CEP164: variants seen among roughly 807,000 people sequenced by gnomAD.
CEP164 encodes the protein centrosomal protein of 164 kDa.
CEP164 carries 162 observed loss-of-function variants against 182.7 expected under a neutral mutation model. The ratio of observed to expected loss-of-function variants is 0.89; its 90% CI spans 0.78 to 1.01. The LOEUF is 1.01. Among genes scored for constraint, CEP164 ranks in the 50% least tolerant of loss-of-function variants. The pLI, the probability that CEP164 is intolerant of heterozygous loss-of-function variation, is 0.00. For synonymous variants in CEP164, 661 were observed against 690.0 expected, an observed-to-expected ratio of 0.96 and a Z score of 0.66; for missense variants, 1,735 against 1,790.4, an observed-to-expected ratio of 0.97 and a Z score of 0.56.
At chr11:117,337,510 TA>T (rs55864956) in intron 2 of CEP164, among the ~76,000 whole-genome samples, 285 of 128,674 alleles carry the variant, frequency 2.2e-3, no homozygotes, top group Middle Eastern at 4.0e-3. Flanking sequence ...ACCATCTCTG[TA>T]AAAAAAAAAA....
At chr11:117,327,568 C>T (rs747995669), upstream of CEP164, among the ~76,000 whole-genome samples, 44 of 150,962 alleles carry the variant, frequency 2.9e-4, no homozygotes, top group Non-Finnish European at 5.9e-4. Flanking sequence ...TCCCAAATTG[C>T]TGGAATTACA....
Position 117,411,022 on chromosome 11 carries a change from C to A in CEP164, c.4163+128C>A. The A allele has an allele frequency of 1.2e-6, 1 of 825,112 alleles. No individual in the cohort carries two copies. The allele number at this position is 825,112 out of a possible 1,614,324, so 51.1% of individuals were successfully genotyped here. A position where few individuals can be genotyped will look rare whatever the true frequency, so the allele number is the denominator to read the frequency against. On this transcript the variant is annotated intron_variant, in intron 31 of 32. Coordinates refer to ENST00000278935, the MANE Select transcript of CEP164 (RefSeq NM_014956.5). This position sits in a 1 kb window ranked among gnomAD's most constrained non-coding sequence, Gnocchi z 4.4. Reference sequence around the variant, plus strand: ...TTACCCCAAGAAATCAGGCAGGCCTCTAGTCCACAGAGCTGTCCCCGCTTG... The same window carrying A: ...TTACCCCAAGAAATCAGGCAGGCCTATAGTCCACAGAGCTGTCCCCGCTTG...
intron 1 of CEP164, among the ~76,000 whole-genome samples, chr11:117,331,616 C>A (rs2134699612): frequency 6.6e-6 from 1 of 152,252 alleles, no homozygotes; most frequent in South Asian, 2.1e-4. Flanking sequence ...GAATCCAGGT[C>A]TTCTGTCTCC....
intron 4 of CEP164, among the ~76,000 whole-genome samples, chr11:117,346,316 T>C (rs1036217356): frequency 6.6e-6 from 1 of 152,002 alleles, no homozygotes. Context: ...TCGCCCAGGC[T>C]GGAGTGCAAT....
intron 1 of CEP164, among the ~76,000 whole-genome samples, chr11:117,322,295 T>G (rs919453274): frequency 1.1e-4 from 17 of 152,000 alleles, no homozygotes; most frequent in African/African-American, 4.1e-4. Flanking sequence ...TTTTGTATTT[T>G]TAGTAGAGAT....
At chr11:117,346,861 CAAAAACAA>C (rs2038972422) in intron 4 of CEP164, among the ~76,000 whole-genome samples, 1 of 152,004 alleles carries the variant, frequency 6.6e-6, no homozygotes, top group Admixed American at 6.6e-5. Flanking sequence ...GAACCTGTCT[CAAAAACAA>C]ATAAAATGAG....
At chr11:117,346,512 C>A (rs1367433022) in intron 4 of CEP164, among the ~76,000 whole-genome samples, 2 of 151,890 alleles carry the variant, frequency 1.3e-5, no homozygotes, top group African/African-American at 2.4e-5. Context: ...CCGCCTTGTC[C>A]TCCCAAAGTG....
In CEP164 at chr11:117,393,085, C is replaced by T. The variant is rs1167811540; in HGVS notation, c.2575C>T (p.Gln859Ter). The T allele has an allele frequency of 1.2e-6, 2 of 1,613,668 alleles. No homozygotes were observed. Among genetic ancestry groups the T allele is most frequent in the Admixed American group, 1.7e-5 (1 of 60,016 alleles). Residue 859 changes from glutamine (Q) to a stop codon, truncating the protein, a stop_gained, in exon 20 of 33, where the codon CAG (glutamine) becomes TAG (stop). Coordinates refer to ENST00000278935, the MANE Select transcript of CEP164 (RefSeq NM_014956.5). LOFTEE classifies it high-confidence loss of function. ...GTTGGACAAGATGAAGGAGGAGCACCAGCAAGTGATGGCTAAGGCCAGAGA... is the reference window on the plus strand; with the variant it reads ...GTTGGACAAGATGAAGGAGGAGCACTAGCAAGTGATGGCTAAGGCCAGAGA... ...RRLDKMKEEH[Q>*]QVMAKAREQY...
rs1026004705 is a variant in CEP164, at chr11:117,340,512, A to G, written c.82+1844A>G. Among the ~76,000 whole-genome samples, 53 of 152,136 alleles carry G rather than the reference A, an allele frequency of 3.5e-4. 1 individual carries two copies. Among genetic ancestry groups the G allele is most frequent in the African/African-American group, 1.3e-3 (53 of 41,430 alleles). ...TCATGTTAAATGCTGGACTTTGCTT[A>G]TAGCATAGGGTGTTTTTTTTGTTTT... On this transcript the variant is annotated intron_variant, in intron 3 of 32. Coordinates refer to ENST00000278935, the MANE Select transcript of CEP164 (RefSeq NM_014956.5).
chr11:117,354,987 C>G (rs1325039784), intron 5 of CEP164: 14 of 1,289,390 alleles, frequency 1.1e-5, no homozygotes, highest in Non-Finnish European at 1.4e-5. Flanking sequence ...TGCAGCTTGT[C>G]TCCTCCGTCA....
At position 117,394,342 on chromosome 11, in the gene CEP164, C is replaced by T; in HGVS notation, c.2617-8C>T. The T allele has an allele frequency of 6.3e-7, 1 of 1,589,912 alleles. No homozygotes were observed. The highest frequency in any genetic ancestry group is 8.6e-7 in the Non-Finnish European group (1 of 1,168,424). The stretch of plus-strand genomic sequence containing the variant: ...AGCTTCCCACCGGTGGGCCCACCCT[C>T]CTTGCAGGAGAGGAAGCAGCGGGCT... On this transcript the variant is annotated splice_polypyrimidine_tract_variant and splice_region_variant and intron_variant, in intron 20 of 32. Transcript: ENST00000278935. The surrounding 1 kb of genome is among the most constrained non-coding windows in gnomAD (Gnocchi z 4.0).
Position 117,397,330 on chromosome 11 carries a change from A to G in CEP164, c.3501+17A>G, listed in dbSNP as rs1178721226. 10 of 1,604,858 alleles carry G rather than the reference A, an allele frequency of 6.2e-6. No individual in the cohort carries two copies. Among genetic ancestry groups the G allele is most frequent in the Non-Finnish European group, 8.5e-6 (10 of 1,175,252 alleles). ...CTGGAGAAGGTCAGGAGCTTTGGGA[A>G]GGGCCTGCCAGCCCTGTGTGGGGGA... On this transcript the variant is annotated intron_variant, in intron 27 of 32. Coordinates refer to ENST00000278935, the MANE Select transcript of CEP164 (RefSeq NM_014956.5).
intron 14 of CEP164, chr11:117,386,905 C>G (rs1281270825): frequency 5.4e-6 from 2 of 368,226 alleles, no homozygotes; most frequent in Admixed American, 8.8e-5. Flanking sequence ...GCTGCCAGCT[C>G]TTGAGCCGCA....
At chr11:117,339,522 G>GTTTTTT (rs61258101) in intron 3 of CEP164, among the ~76,000 whole-genome samples, 498 of 55,988 alleles carry the variant, frequency 8.9e-3, no homozygotes, top group Non-Finnish European at 0.01. Context: ...TTTGTTTTTT[G>GTTTTTT]TTTTTTTTTT....
rs1565582688 is a variant in CEP164, at chr11:117,393,084, C to T, written c.2574C>T (p.His858=). 2 of 1,613,680 alleles carry T rather than the reference C, an allele frequency of 1.2e-6. No individual in the cohort carries two copies. The highest frequency in any genetic ancestry group is 1.7e-6 in the Non-Finnish European group (2 of 1,179,888). Residue 858 remains histidine (H), a synonymous_variant, in exon 20 of 33, where the codon CAC becomes CAT. Transcript: ENST00000278935. ...GGTTGGACAAGATGAAGGAGGAGCA[C>T]CAGCAAGTGATGGCTAAGGCCAGAG... ...ERRLDKMKEE[H]QQVMAKAREQ... is the part of the protein sequence containing the mutation.
chr11:117,396,967 C>A, intron 26 of CEP164, 124 bp from the exon 27 acceptor site: 1 of 871,654 alleles, frequency 1.1e-6, no homozygotes, highest in East Asian at 2.7e-5. Context: ...ACTCACAGTG[C>A]CCAGCCCTAG....
Position 117,395,701 on chromosome 11 carries a change from A to G in CEP164, c.3068A>G (p.Gln1023Arg), listed in dbSNP as rs112529890. 1.1e-5 allele frequency: 18 copies of G among 1,612,072 alleles called. No homozygotes were observed. Among genetic ancestry groups the G allele is most frequent in the Admixed American group, 1.7e-5 (1 of 59,898 alleles). The change falls in exon 24 of 33, where the codon CAG becomes CGG. Residue 1023 changes from glutamine to arginine, a missense_variant. Physicochemically the swap from Gln to Arg is conservative, Grantham distance 43. Transcript: ENST00000278935. Reference sequence around the variant, plus strand: ...GTGGATCTGCTGCAGGCTCAGAGCCAGCAACTGCAGAAACACTTCAGGTGG... The same window carrying G: ...GTGGATCTGCTGCAGGCTCAGAGCCGGCAACTGCAGAAACACTTCAGGTGG... ...SQVDLLQAQS[Q>R]QLQKHFSSLE...
chr11:117,340,077 G>C (rs1362065457), intron 3 of CEP164, among the ~76,000 whole-genome samples: 1 of 151,834 alleles, frequency 6.6e-6, no homozygotes, highest in Non-Finnish European at 1.5e-5. Context: ...CCAGGCTGGA[G>C]GGCAGTGGCG....
chr11:117,394,057 C>T lies in CEP164; in HGVS notation c.2617-293C>T, dbSNP rs552860978. 5.6e-4 allele frequency among the ~76,000 whole-genome samples: 85 copies of T among 152,366 alleles called. No individual in the cohort carries two copies. Among genetic ancestry groups the T allele is most frequent in the African/African-American group, 1.9e-3 (81 of 41,592 alleles). On this transcript the variant is annotated intron_variant, in intron 20 of 32. Transcript: ENST00000278935. This position sits in a 1 kb window ranked among gnomAD's most constrained non-coding sequence, Gnocchi z 4.0. ...AGAATAGTGATAATTTATCAGTGACCTCTCATTCCTTACAGAGGAAAAGTT... is the reference window on the plus strand; with the variant it reads ...AGAATAGTGATAATTTATCAGTGACTTCTCATTCCTTACAGAGGAAAAGTT...
Sources: allele counts gnomAD v4.1 joint callset (sites outside exome capture counted in the v4.1 genomes callset), GRCh38; gene constraint gnomAD v4.1.1; non-coding constraint Gnocchi (gnomAD v3.1); transcripts MANE v1.5; gene names NCBI Gene and HGNC (gene_info 2026-07-23, HGNC 2026-07-21).